POLR1C: variants seen among roughly 807,000 people sequenced by gnomAD.
POLR1C encodes the protein RNA polymerase I and III subunit C.
In POLR1C, 42 loss-of-function variants were observed where a neutral mutation model predicts 38.3. The ratio of observed to expected loss-of-function variants is 1.10; its 90% CI spans 0.86 to 1.42. The LOEUF is 1.42. Among genes scored for constraint, POLR1C ranks in the 40% most tolerant of loss-of-function variants. POLR1C has a pLI of 0.00. For missense variants in POLR1C, 507 were observed against 450.5 expected, an observed-to-expected ratio of 1.13 and a Z score of -1.14; for synonymous variants, 163 against 163.9, an observed-to-expected ratio of 0.99 and a Z score of 0.04.
chr6:43,561,099 C>A, intron 10 of POLR1C: 1 of 1,085,008 alleles, frequency 9.2e-7, no homozygotes, highest in East Asian at 2.4e-5. Context: ...AAATTAAACC[C>A]TCAAAAAATG....
At chr6:43,560,429 T>C in intron 10 of POLR1C, 4 of 1,211,460 alleles carry the variant, frequency 3.3e-6, no homozygotes, top group Non-Finnish European at 4.4e-6. Context: ...AAGCTGTCTC[T>C]ACTGCAATTT....
rs779162150 is a variant in POLR1C, at chr6:43,549,456, C to T, written c.*5-1512C>T. 1.7e-5 allele frequency: 26 copies of T among 1,566,640 alleles called. No homozygotes were observed. In the South Asian group the frequency reaches 2.7e-4, roughly 16 times the overall value. On this transcript the variant is annotated intron_variant, in intron 9 of 10. Transcript: ENST00000607635. ...GGATTTACACACAAATGTAACCAAA[C>T]TTGGCTACTTCAGCCAGGGTCCAGC... is the stretch of plus-strand genomic sequence containing the variant.
intron 8 of POLR1C, chr6:43,528,737 A>G: frequency 8.0e-7 from 1 of 1,256,120 alleles, no homozygotes; most frequent in Non-Finnish European, 1.1e-6. Context: ...CTAGTAGACA[A>G]CACTTCTAGG....
At chr6:43,562,075 C>CA (rs1249982580) in exon 11 of POLR1C, 4 of 498,216 alleles carry the variant, frequency 8.0e-6, no homozygotes, top group African/African-American at 7.9e-5. Flanking sequence ...TTAGATCACT[C>CA]AAACACTATT....
intron 9 of POLR1C, among the ~76,000 whole-genome samples, chr6:43,540,066 G>A (rs909655605): frequency 5.3e-5 from 8 of 152,172 alleles, no homozygotes; most frequent in African/African-American, 1.9e-4. Flanking sequence ...AACCAGCCTG[G>A]CCAACATGAT....
Position 43,517,114 on chromosome 6 carries a change from C to T in POLR1C, c.5C>T (p.Ala2Val), listed in dbSNP as rs766630175. The T allele has an allele frequency of 8.7e-6, 14 of 1,613,922 alleles. No homozygotes were observed. The South Asian group carries it at 1.1e-4, about 13-fold the overall frequency. M[A>V]ASQAVEEMRS... ...AGTCTCGTGGAGAGATTGAAGATGGCGGCTTCTCAGGCGGTGGAGGAAATG... is the reference window on the plus strand; with the variant it reads ...AGTCTCGTGGAGAGATTGAAGATGGTGGCTTCTCAGGCGGTGGAGGAAATG... The change falls in exon 1 of 9, where the codon GCG (alanine) becomes GTG (valine). Residue 2 changes from alanine to valine, a missense_variant. Ala to Val is a moderately conservative substitution (Grantham distance 64, BLOSUM62 0). Coordinates refer to ENST00000642195, the MANE Select transcript of POLR1C (RefSeq NM_203290.4).
chr6:43,517,415 G>T, intron 2 of POLR1C, 38 bp downstream of exon 2: 1 of 1,563,956 alleles, frequency 6.4e-7, no homozygotes, highest in South Asian at 1.1e-5. Context: ...GGGTTATGAA[G>T]GCCAGACCTT....
At chr6:43,550,404 C>T (rs1482604963) in intron 9 of POLR1C, among the ~76,000 whole-genome samples, 3 of 152,172 alleles carry the variant, frequency 2.0e-5, no homozygotes, top group African/African-American at 7.2e-5. Context: ...AACAAATGAG[C>T]CCACTTTTCT....
chr6:43,529,290 C>T (rs1417094158), exon 9 of POLR1C: 6 of 1,268,840 alleles, frequency 4.7e-6, no homozygotes, highest in Non-Finnish European at 6.4e-6. Context: ...CACCTGTAAT[C>T]CCAGCACTTT....
chr6:43,553,712 A>G (rs887508602), intron 10 of POLR1C: 29 of 1,088,970 alleles, frequency 2.7e-5, no homozygotes, highest in Non-Finnish European at 3.1e-5. Context: ...GAAGGTTCCT[A>G]CCATGCCTCC....
downstream of POLR1C, chr6:43,525,901 C>G: frequency 6.2e-7 from 1 of 1,614,050 alleles, no homozygotes; most frequent in Non-Finnish European, 8.5e-7. Flanking sequence ...GGGGTGACCT[C>G]TGTGGCCATC....
downstream of POLR1C, chr6:43,530,833 G>A (rs1443194029): frequency 1.2e-6 from 2 of 1,600,462 alleles, no homozygotes; most frequent in East Asian, 2.2e-5. Flanking sequence ...AACTGTAAAG[G>A]GGAAAAAAAG....
downstream of POLR1C, chr6:43,523,593 G>A (rs749895200): frequency 3.1e-6 from 2 of 643,202 alleles, no homozygotes; most frequent in Non-Finnish European, 5.9e-6. Flanking sequence ...CTCTGCTCTA[G>A]CTTTTCTTGG....
rs60341205 is a variant in POLR1C, at chr6:43,535,813, CAAAAAAA to C, written c.*4+6466_*4+6472del. 9.4e-3 allele frequency among the ~76,000 whole-genome samples: 678 copies of C among 71,842 alleles called. 5 individuals are homozygous for C. The highest frequency in any genetic ancestry group is 0.029 in the African/African-American group (615 of 20,848). 47.1% of individuals were successfully genotyped at this position (71,842 alleles called of 152,430 possible). A position where few individuals can be genotyped will look rare whatever the true frequency, so the allele number is the denominator to read the frequency against. On this transcript the variant is annotated intron_variant, in intron 9 of 10. Transcript: ENST00000607635. ...TGTGTGACAGAGCGAGACTCCATCT[CAAAAAAA>C]AAAAAAAAAAAGTCATTCTAGGCCG...
intron 9 of POLR1C, among the ~76,000 whole-genome samples, chr6:43,538,002 T>C (rs1405703505): frequency 6.7e-6 from 1 of 149,392 alleles, no homozygotes; most frequent in Non-Finnish European, 1.5e-5. Context: ...GGAGAATTGC[T>C]TGATCCCGGG....
intron 9 of POLR1C, among the ~76,000 whole-genome samples, chr6:43,548,032 T>C (rs1795049602): frequency 6.6e-6 from 1 of 152,236 alleles, no homozygotes; most frequent in Admixed American, 6.5e-5. Context: ...CTAAATGTGC[T>C]GGTGCTGCAA....
At chr6:43,555,967 G>A (rs1762057903) in intron 10 of POLR1C, 3 of 1,612,960 alleles carry the variant, frequency 1.9e-6, no homozygotes, top group Non-Finnish European at 2.5e-6. Context: ...TCGGGAGGCT[G>A]CCAAGAGAAA....
At chr6:43,546,628 CG>C (rs1436234582) in intron 9 of POLR1C, 1 of 1,613,770 alleles carries the variant, frequency 6.2e-7, no homozygotes, top group Non-Finnish European at 8.5e-7. Context: ...GCAGGGGTTA[CG>C]GAAGATTGGA....
chr6:43,533,249 CACACACACACACACGAG>C (rs1012155656), downstream of POLR1C: 5 of 138,062 alleles, frequency 3.6e-5, no homozygotes, highest in African/African-American at 1.6e-4. Flanking sequence ...CACACACACA[CACACACACACACACGAG>C]GAGGCAGGAA....
Sources: allele counts gnomAD v4.1 joint callset (sites outside exome capture counted in the v4.1 genomes callset), GRCh38; gene constraint gnomAD v4.1.1; transcripts MANE v1.5; gene names NCBI Gene and HGNC (gene_info 2026-07-23, HGNC 2026-07-21).